Variants in NCS1 observed in about 807,000 individuals in gnomAD.
NCS1 encodes neuronal calcium sensor 1.
In NCS1, 6 loss-of-function variants were observed where a neutral mutation model predicts 28.4. That is an observed-to-expected ratio of 0.21 (90% confidence interval 0.12 to 0.42). The LOEUF (loss-of-function observed/expected upper bound fraction) is 0.42, where lower values mean the gene tolerates loss of function less well. Ranked by LOEUF, NCS1 falls within the 10% of genes least tolerant of loss-of-function variation. The pLI is 1.00. For synonymous variants in NCS1, 86 were observed against 99.3 expected (o/e 0.87, Z 0.79); for missense variants, 131 against 241.4 (o/e 0.54, Z 3.03).
intron 1 of NCS1, among the ~76,000 whole-genome samples, chr9:130,183,522 G>A (rs557945256): frequency 6.6e-6 from 1 of 152,328 alleles, no homozygotes; most frequent in East Asian, 1.9e-4. Context: ...TTTCAGGCTT[G>A]AGTTTTCAGC....
intron 6 of NCS1, among the ~76,000 whole-genome samples, chr9:130,225,345 G>T (rs1165848342): frequency 6.6e-6 from 1 of 152,258 alleles, no homozygotes; most frequent in Non-Finnish European, 1.5e-5. Flanking sequence ...TTAGAGGAGT[G>T]GTAGAGACGT....
chr9:130,185,463 G>A (rs1832726052), intron 1 of NCS1, among the ~76,000 whole-genome samples: 1 of 152,180 alleles, frequency 6.6e-6, no homozygotes, highest in Non-Finnish European at 1.5e-5. Context: ...GTGGCTGGGG[G>A]ATCCTGAGAA....
At chr9:130,193,373 G>A (rs1052412556) in intron 1 of NCS1, among the ~76,000 whole-genome samples, 6 of 152,114 alleles carry the variant, frequency 3.9e-5, no homozygotes, top group African/African-American at 1.4e-4. Flanking sequence ...ATGGGAAAGT[G>A]GGATGGGGTG....
intron 3 of NCS1, among the ~76,000 whole-genome samples, chr9:130,218,595 ATT>A (rs139366099): frequency 3.7e-4 from 55 of 147,348 alleles, no homozygotes; most frequent in African/African-American, 8.7e-4. Context: ...CTTTACATGG[ATT>A]TTTTTTTTTT....
intron 1 of NCS1, among the ~76,000 whole-genome samples, chr9:130,185,159 T>G (rs952275915): frequency 2.6e-5 from 4 of 152,180 alleles, no homozygotes; most frequent in African/African-American, 9.7e-5. Context: ...GGGCCCGGCC[T>G]CCTCCTCAGT....
At chr9:130,189,488 T>C (rs1832786067) in intron 1 of NCS1, among the ~76,000 whole-genome samples, 1 of 152,130 alleles carries the variant, frequency 6.6e-6, no homozygotes, top group Non-Finnish European at 1.5e-5. Context: ...GGGTCGGCTC[T>C]GAAATGTTTG....
In NCS1 at chr9:130,209,090, T is replaced by C. The variant is rs1226049366; in HGVS notation, c.89+8108T>C. Among the ~76,000 whole-genome samples, 1 of 152,110 alleles carries C rather than the reference T, an allele frequency of 6.6e-6. No individual in the cohort carries two copies. The highest frequency in any genetic ancestry group is 2.4e-5 in the African/African-American group (1 of 41,412). On this transcript the variant is annotated intron_variant, in intron 2 of 7. Coordinates refer to ENST00000372398, the MANE Select transcript of NCS1 (RefSeq NM_014286.4). The surrounding 1 kb of genome is among the most constrained non-coding windows in gnomAD (Gnocchi z 4.4). ...GGGAGTGTGGGGAGGGGCATGCCAC[T>C]GGAGAGAGTTGTTTGAAGAGATAAT...
chr9:130,226,117 C>T lies in NCS1; in HGVS notation c.475-272C>T, dbSNP rs565766696. On this transcript the variant is annotated intron_variant, in intron 6 of 7. Transcript: ENST00000372398. The surrounding 1 kb of genome is among the most constrained non-coding windows in gnomAD (Gnocchi z 4.8). ...CAGGGCACTTCCAGTTGGTCAAGCA[C>T]AGAGCTGTCACCCGAGTGCCTGGAG... 1.1e-4 allele frequency among the ~76,000 whole-genome samples: 16 copies of T among 152,336 alleles called. No individual in the cohort carries two copies. Among genetic ancestry groups the T allele is most frequent in the African/African-American group, 3.4e-4 (14 of 41,586 alleles).
intron 1 of NCS1, among the ~76,000 whole-genome samples, chr9:130,185,029 G>A (rs1832720991): frequency 6.6e-6 from 1 of 150,788 alleles, no homozygotes; most frequent in Non-Finnish European, 1.5e-5. Context: ...GGCCATCCCA[G>A]AGGCAGGCAC....
rs573376916 is a variant in NCS1, at chr9:130,233,717, T to G, written c.*745T>G. 1 of 152,460 alleles carries G rather than the reference T, an allele frequency of 6.6e-6. No homozygotes were observed. Among genetic ancestry groups the G allele is most frequent in the Non-Finnish European group, 1.5e-5 (1 of 67,998 alleles). The allele number at this position is 152,460 out of a possible 1,614,324, so 9.4% of individuals were successfully genotyped here. Reference sequence around the variant, plus strand: ...GCTCCCAGGGCTGCGGGCCCACCGTTTACATGTGCACGCCCTGACCCACCT... The same window carrying G: ...GCTCCCAGGGCTGCGGGCCCACCGTGTACATGTGCACGCCCTGACCCACCT... On this transcript the variant is annotated 3_prime_UTR_variant, in exon 8 of 8. Coordinates refer to ENST00000372398, the MANE Select transcript of NCS1 (RefSeq NM_014286.4). The surrounding 1 kb of genome is among the most constrained non-coding windows in gnomAD (Gnocchi z 4.8).
rs1833550222 is a variant in NCS1, at chr9:130,234,438, G to A, written c.*1466G>A. The stretch of plus-strand genomic sequence containing the variant: ...AATGCGAGGCCACCCTGGACCAGAG[G>A]TAGGAGCCCAAGGTCCGGCCCTTGC... On this transcript the variant is annotated 3_prime_UTR_variant, in exon 8 of 8. Transcript: ENST00000372398. This position sits in a 1 kb window ranked among gnomAD's most constrained non-coding sequence, Gnocchi z 6.1. 1 of 152,298 alleles carries A rather than the reference G, an allele frequency of 6.6e-6. No individual in the cohort carries two copies. The highest frequency in any genetic ancestry group is 1.5e-5 in the Non-Finnish European group (1 of 68,108). The allele number at this position is 152,298 out of a possible 1,614,324, so 9.4% of individuals were successfully genotyped here.
Position 130,172,745 on chromosome 9 carries a change from C to CA in NCS1, c.64+18_64+19insA. The CA allele has an allele frequency of 6.9e-7, 1 of 1,452,556 alleles. No homozygotes were observed. Among genetic ancestry groups the CA allele is most frequent in the Non-Finnish European group, 9.2e-7 (1 of 1,089,180 alleles). 90.0% of individuals were successfully genotyped at this position (1,452,556 alleles called of 1,614,324 possible). On this transcript the variant is annotated intron_variant, in intron 1 of 7. Transcript: ENST00000372398. ...GACCTACTGTGAGTGCTCCCAGCCCCCAGCCCGCGCCCCGCGGTCACCCCC... is the reference window on the plus strand; with the variant it reads ...GACCTACTGTGAGTGCTCCCAGCCCCACAGCCCGCGCCCCGCGGTCACCCCC...
intron 5 of NCS1, 126 bp downstream of exon 5, chr9:130,222,864 G>A: frequency 9.4e-7 from 1 of 1,062,032 alleles, no homozygotes; most frequent in Non-Finnish European, 1.4e-6. Context: ...CACTGGCTGA[G>A]CCGTTCTGTA....
chr9:130,173,781 T>G (rs1832524987), intron 1 of NCS1, among the ~76,000 whole-genome samples: 1 of 152,178 alleles, frequency 6.6e-6, no homozygotes, highest in Non-Finnish European at 1.5e-5. Context: ...CATGTGTTGA[T>G]GGAGGCTGGG....
chr9:130,176,687 C>T (rs1832576273), intron 1 of NCS1, among the ~76,000 whole-genome samples: 1 of 152,220 alleles, frequency 6.6e-6, no homozygotes, highest in African/African-American at 2.4e-5. Flanking sequence ...GTGTAGCGGC[C>T]TCCGCAGCCC....
At chr9:130,221,549 C>T (rs1468010023) in intron 4 of NCS1, among the ~76,000 whole-genome samples, 3 of 143,224 alleles carry the variant, frequency 2.1e-5, no homozygotes, top group African/African-American at 7.6e-5. Context: ...ATCCTCTCAC[C>T]TCCTCCCAAG....
rs893801230 is a variant in NCS1, at chr9:130,176,144, T to C, written c.64+3417T>C. Among the ~76,000 whole-genome samples the C allele has an allele frequency of 7.8e-5, 4 of 51,026 alleles. 1 individual carries two copies. Among genetic ancestry groups the C allele is most frequent in the African/African-American group, 4.8e-4 (4 of 8,388 alleles). The allele number at this position is 51,026 out of a possible 152,430, so 33.5% of individuals were successfully genotyped here. ...ATTAATGCTTATTTGTTCATTTTCT[T>C]TCTTTCTTTCTTTCTTTCTTTCTTT... On this transcript the variant is annotated intron_variant, in intron 1 of 7. Transcript: ENST00000372398.
chr9:130,216,901 GTCC>G (rs1554909463), intron 2 of NCS1, among the ~76,000 whole-genome samples: 1 of 147,234 alleles, frequency 6.8e-6, no homozygotes, highest in East Asian at 2.1e-4. Flanking sequence ...AGGAGTGCGT[GTCC>G]TCCTGGGGGT....
chr9:130,200,838 G>A, intron 1 of NCS1, 120 bp from the exon 2 acceptor site: 1 of 1,488,332 alleles, frequency 6.7e-7, no homozygotes, highest in South Asian at 1.1e-5. Context: ...GCAGGCCGTT[G>A]CCCGGGGACA....
Sources: gnomAD v4.1 joint callset for allele counts (sites outside exome capture counted in the v4.1 genomes callset) on GRCh38, gnomAD v4.1.1 for gene constraint, Gnocchi (gnomAD v3.1) non-coding constraint, MANE v1.5 for transcripts, NCBI Gene and HGNC (gene_info 2026-07-23, HGNC 2026-07-21) for gene names.